The following DLGAP2 variants were observed in gnomAD, a reference collection of about 807,000 sequenced individuals.
The protein encoded by DLGAP2 is DLG associated protein 2.
DLGAP2 carries 26 observed loss-of-function variants against 100.3 expected under a neutral mutation model. That is an observed-to-expected ratio of 0.26 (90% CI 0.19 to 0.36). DLGAP2 has a LOEUF of 0.36. Among genes scored for constraint, DLGAP2 ranks in the 10% least tolerant of loss-of-function variants. DLGAP2 has a pLI of 1.00. For missense variants in DLGAP2, 1,858 were observed against 1,453.2 expected (o/e 1.28, Z -4.53); for synonymous variants, 886 against 630.1 (o/e 1.41, Z -6.08).
At chr8:823,010 T>G (rs1796611952) in intron 1 of DLGAP2, among the ~76,000 whole-genome samples, 1 of 152,166 alleles carries the variant, frequency 6.6e-6, no homozygotes, top group South Asian at 2.1e-4. Context: ...ATTTCTTATT[T>G]CTTATTCCAG....
intron 4 of DLGAP2, among the ~76,000 whole-genome samples, chr8:1,507,542 C>CCGGCCT (rs1563190419): frequency 1.3e-5 from 2 of 152,164 alleles, no homozygotes; most frequent in African/African-American, 4.8e-5. Context: ...GGAGCCGGCT[C>CCGGCCT]CGGCCTCGGC....
At chr8:918,732 C>A (rs776696936) in intron 2 of DLGAP2, among the ~76,000 whole-genome samples, 2 of 152,056 alleles carry the variant, frequency 1.3e-5, no homozygotes, top group African/African-American at 4.8e-5. Flanking sequence ...TTGTTCCATC[C>A]TTTTCTTTTA....
intron 2 of DLGAP2, among the ~76,000 whole-genome samples, chr8:1,049,411 G>A (rs1802608562): frequency 6.6e-6 from 1 of 151,994 alleles, no homozygotes; most frequent in African/African-American, 2.4e-5. Flanking sequence ...AGGAACATTT[G>A]GTCAGCGGCC....
chr8:1,098,000 G>A (rs1293240688), intron 2 of DLGAP2, among the ~76,000 whole-genome samples: 4 of 152,270 alleles, frequency 2.6e-5, no homozygotes, highest in Admixed American at 6.5e-5. Flanking sequence ...AACCCCAGCC[G>A]CATGGCCTTC....
intron 2 of DLGAP2, among the ~76,000 whole-genome samples, chr8:1,244,545 A>C (rs1031274412): frequency 6.6e-6 from 1 of 152,196 alleles, no homozygotes. Flanking sequence ...AAATCTAAAG[A>C]ATGAGTAGGA....
intron 1 of DLGAP2, among the ~76,000 whole-genome samples, chr8:803,772 C>A (rs1441826896): frequency 1.3e-5 from 2 of 152,134 alleles, no homozygotes; most frequent in East Asian, 3.8e-4. Flanking sequence ...TTTTATATTC[C>A]CATTTTGTGA....
chr8:897,997 A>G (rs887552331), intron 1 of DLGAP2, among the ~76,000 whole-genome samples: 8 of 152,058 alleles, frequency 5.3e-5, no homozygotes, highest in Admixed American at 2.0e-4. Flanking sequence ...TGGCACCCTG[A>G]GCTGCTGGAG....
At chr8:902,985 CG>C (rs539189812) in intron 1 of DLGAP2, among the ~76,000 whole-genome samples, 2 of 39,746 alleles carry the variant, frequency 5.0e-5, no homozygotes, top group African/African-American at 1.2e-4. Flanking sequence ...TGGGTGGGGG[CG>C]GGGGGGCGGA....
chr8:1,639,167 C>T (rs1441987276), intron 8 of DLGAP2, among the ~76,000 whole-genome samples: 6 of 152,030 alleles, frequency 3.9e-5, no homozygotes, highest in East Asian at 1.9e-4. Flanking sequence ...GCTGGAGGTG[C>T]GGTCCAGAGC....
chr8:1,364,812 G>A (rs372507540), intron 3 of DLGAP2, among the ~76,000 whole-genome samples: 26 of 152,336 alleles, frequency 1.7e-4, no homozygotes, highest in East Asian at 1.5e-3. Context: ...GTGCATTTAC[G>A]TCGGAGTTGG....
chr8:973,824 G>A (rs901590627), intron 2 of DLGAP2, among the ~76,000 whole-genome samples: 4 of 150,582 alleles, frequency 2.7e-5, no homozygotes, highest in African/African-American at 9.7e-5. Flanking sequence ...GTGGCCCCGC[G>A]GCGGTCCGGG....
chr8:1,697,317 G>C lies in DLGAP2; in HGVS notation c.2949+18G>C, dbSNP rs771471517. 1 of 1,575,120 alleles carries C rather than the reference G, an allele frequency of 6.3e-7. No homozygotes were observed. The highest frequency in any genetic ancestry group is 2.3e-5 in the East Asian group (1 of 44,114). On this transcript the variant is annotated intron_variant, in intron 14 of 14. Transcript: ENST00000637795. ...AAAGAAAGGTAAGGGCATCCATGCA[G>C]GGCCGGCTCCCAGCAAACCCCCTTT...
At chr8:1,554,659 C>T (rs1033348660) in intron 5 of DLGAP2, among the ~76,000 whole-genome samples, 11 of 152,154 alleles carry the variant, frequency 7.2e-5, no homozygotes, top group African/African-American at 2.7e-4. Flanking sequence ...CGAGGGGCAC[C>T]TGTATCCTGC....
chr8:1,630,392 A>G (rs1370004443), intron 7 of DLGAP2, among the ~76,000 whole-genome samples: 1 of 152,134 alleles, frequency 6.6e-6, no homozygotes. Flanking sequence ...ATTTGGTGAC[A>G]AACCAAAGTT....
chr8:950,622 C>CTTTTTTTTTTTTTTT (rs34631994), intron 2 of DLGAP2, among the ~76,000 whole-genome samples: 4 of 130,510 alleles, frequency 3.1e-5, no homozygotes, highest in East Asian at 2.1e-4. Context: ...TTTTCTTTTT[C>CTTTTTTTTTTTTTTT]TTTTTTTTTT....
chr8:1,265,785 T>C (rs987490149), intron 3 of DLGAP2, among the ~76,000 whole-genome samples: 36 of 152,226 alleles, frequency 2.4e-4, no homozygotes, highest in African/African-American at 7.9e-4. Flanking sequence ...TGTCTAAGAA[T>C]TTCTGAGACA....
In DLGAP2 at chr8:1,199,041, G is replaced by T. The variant is rs139016692; in HGVS notation, c.74-59810G>T. ...AGCAGAGGTCGCGTGGTTGAATAAAGGTGAAGTTCCAGACTTCCAGACTGC... is the reference window on the plus strand; with the variant it reads ...AGCAGAGGTCGCGTGGTTGAATAAATGTGAAGTTCCAGACTTCCAGACTGC... On this transcript the variant is annotated intron_variant, in intron 2 of 14. Coordinates refer to ENST00000637795, the MANE Select transcript of DLGAP2 (RefSeq NM_001346810.2). 3.4e-3 allele frequency among the ~76,000 whole-genome samples: 521 copies of T among 152,334 alleles called. 2 individuals are homozygous for T. Among genetic ancestry groups the T allele is most frequent in the African/African-American group, 0.012 (496 of 41,560 alleles).
intron 6 of DLGAP2, among the ~76,000 whole-genome samples, chr8:1,617,649 C>A (rs1471802630): frequency 6.6e-6 from 1 of 152,078 alleles, no homozygotes; most frequent in Non-Finnish European, 1.5e-5. Context: ...ATATTTTCTC[C>A]CATTTTGTAC....
At chr8:1,189,385 A>G (rs1483840551) in intron 2 of DLGAP2, among the ~76,000 whole-genome samples, 2 of 152,232 alleles carry the variant, frequency 1.3e-5, no homozygotes, top group African/African-American at 2.4e-5. Flanking sequence ...AATAACATTA[A>G]GACACTGAAC....
Sources: allele counts gnomAD v4.1 joint callset (sites outside exome capture counted in the v4.1 genomes callset), GRCh38; gene constraint gnomAD v4.1.1; transcripts MANE v1.5; gene names NCBI Gene and HGNC (gene_info 2026-07-23, HGNC 2026-07-21).